Variants in RGPD6 observed in about 807,000 individuals in gnomAD.
RGPD6 encodes the protein RANBP2-like and GRIP domain-containing protein 5/6.
chr2:110,600,729 A>G, the RGPD6 span, among the ~76,000 whole-genome samples: 343 of 55,654 alleles, frequency 6.2e-3, no homozygotes, highest in Non-Finnish European at 6.9e-3. Flanking sequence ...CTCGGTTCAC[A>G]ATAGGGTTCA....
chr2:110,594,047 A>G, the RGPD6 span, among the ~76,000 whole-genome samples: 2 of 140,636 alleles, frequency 1.4e-5, no homozygotes, highest in Non-Finnish European at 3.0e-5. Flanking sequence ...ATTATATACC[A>G]TAACCAAGTG....
At chr2:110,610,521 G>A in the RGPD6 span, among the ~76,000 whole-genome samples, 2 of 151,648 alleles carry the variant, frequency 1.3e-5, no homozygotes, top group Admixed American at 6.6e-5. Flanking sequence ...AGGAGAGGGG[G>A]AAACAGACGG....
chr2:110,605,309 C>T, the RGPD6 span, among the ~76,000 whole-genome samples: 2 of 151,458 alleles, frequency 1.3e-5, no homozygotes, highest in Non-Finnish European at 2.9e-5. Context: ...CCTGCCGAGG[C>T]CCCTCCAGGC....
At chr2:110,608,712 C>T in the RGPD6 span, among the ~76,000 whole-genome samples, 1 of 94,894 alleles carries the variant, frequency 1.1e-5, no homozygotes, top group Admixed American at 1.2e-4. Flanking sequence ...AGAAAGTCTA[C>T]ATGCCTTCAT....
the RGPD6 span, among the ~76,000 whole-genome samples, chr2:110,600,963 C>A: frequency 5.3e-5 from 8 of 151,638 alleles, no homozygotes; most frequent in Admixed American, 4.6e-4. Context: ...AGGGGCCTGG[C>A]AGGATGTTTC....
the RGPD6 span, chr2:110,611,000 G>A: frequency 2.1e-6 from 2 of 966,336 alleles, no homozygotes; most frequent in Non-Finnish European, 2.4e-6. Context: ...CGGCTTGCGC[G>A]CAGGCACACT....
chr2:110,592,529 T>A, the RGPD6 span, among the ~76,000 whole-genome samples: 1 of 147,010 alleles, frequency 6.8e-6, no homozygotes, highest in Non-Finnish European at 1.5e-5. Flanking sequence ...ATGCCTGTAA[T>A]CCCAGCACTT....
chr2:110,592,937 T>C, the RGPD6 span, among the ~76,000 whole-genome samples: 1 of 146,866 alleles, frequency 6.8e-6, no homozygotes. Flanking sequence ...TTGAAACTAT[T>C]ACCAAGGTTA....
chr2:110,607,000 C>T, the RGPD6 span, among the ~76,000 whole-genome samples: 3 of 151,768 alleles, frequency 2.0e-5, no homozygotes, highest in South Asian at 4.2e-4. Context: ...CAGAAACCAG[C>T]ACAAGGTCTT....
the RGPD6 span, among the ~76,000 whole-genome samples, chr2:110,597,012 G>A: frequency 5.8e-5 from 6 of 103,362 alleles, no homozygotes; most frequent in East Asian, 1.1e-3. Flanking sequence ...GGAGTCTCGC[G>A]GTGACACCCA....
chr2:110,595,151 CTTCA>C, the RGPD6 span, among the ~76,000 whole-genome samples: 1 of 61,374 alleles, frequency 1.6e-5, no homozygotes, highest in Non-Finnish European at 3.5e-5. Context: ...CTGTTTCCTT[CTTCA>C]TTTTCATTAG....
the RGPD6 span, among the ~76,000 whole-genome samples, chr2:110,596,841 G>A: frequency 7.4e-6 from 1 of 134,498 alleles, no homozygotes; most frequent in Non-Finnish European, 1.5e-5. Flanking sequence ...TTCATTCTGA[G>A]TTTGAAAGTT....
chr2:110,606,744 C>G, the RGPD6 span, among the ~76,000 whole-genome samples: 1 of 150,340 alleles, frequency 6.7e-6, no homozygotes, highest in African/African-American at 2.5e-5. Flanking sequence ...ACTCTCAATA[C>G]CCCCACCCAC....
At position 110,576,916 on chromosome 2, in the gene RGPD6, G is replaced by A. The variant is rs758502152; in HGVS notation, c.72+37C>T. The A allele has an allele frequency of 2.2e-4, 88 of 404,362 alleles. No individual in the cohort carries two copies. The South Asian group carries it at 4.2e-3, about 19-fold the overall frequency. 25.0% of individuals were successfully genotyped at this position (404,362 alleles called of 1,614,324 possible). A position where few individuals can be genotyped will look rare whatever the true frequency, so the allele number is the denominator to read the frequency against. ...GCCCCCCCCCTCCCCCCCCGGCCGG[G>A]TCGAGGCCGCCGTCGCTCTCTTCGA... is the stretch of plus-strand genomic sequence containing the variant. On this transcript the variant is annotated intron_variant, in intron 1 of 22. Transcript: ENST00000329516.
At chr2:110,604,773 T>C in the RGPD6 span, among the ~76,000 whole-genome samples, 5 of 148,694 alleles carry the variant, frequency 3.4e-5, no homozygotes, top group Admixed American at 1.3e-4. Context: ...GGTTTTTTTT[T>C]CTTAATTTGC....
chr2:110,593,118 T>C, the RGPD6 span, among the ~76,000 whole-genome samples: 1 of 148,202 alleles, frequency 6.7e-6, no homozygotes, highest in Non-Finnish European at 1.5e-5. Context: ...GCTTGAATCA[T>C]TTCTATCTGT....
chr2:110,596,930 ATT>A, the RGPD6 span, among the ~76,000 whole-genome samples: 6 of 130,790 alleles, frequency 4.6e-5, no homozygotes, highest in South Asian at 2.3e-4. Flanking sequence ...ATATATATAT[ATT>A]ATATATATTT....
At chr2:110,606,503 T>TA in the RGPD6 span, among the ~76,000 whole-genome samples, 1 of 100,268 alleles carries the variant, frequency 1.0e-5, no homozygotes, top group Non-Finnish European at 2.0e-5. Flanking sequence ...TACTGTTGTA[T>TA]GTTGATAGAC....
the RGPD6 span, among the ~76,000 whole-genome samples, chr2:110,593,069 G>A: frequency 4.1e-5 from 6 of 147,996 alleles, no homozygotes; most frequent in South Asian, 4.3e-4. Context: ...AGATTTATAC[G>A]GAGAAACAAC....
Sources: gnomAD v4.1 joint callset for allele counts (sites outside exome capture counted in the v4.1 genomes callset) on GRCh38, gnomAD v4.1.1 for gene constraint, MANE v1.5 for transcripts, NCBI Gene and HGNC (gene_info 2026-07-23, HGNC 2026-07-21) for gene names.